Variants in ASAP1 observed in about 807,000 individuals in gnomAD.
ASAP1 encodes ArfGAP with SH3 domain, ankyrin repeat and PH domain 1.
A neutral mutation model predicts 145.2 loss-of-function variants in ASAP1; 43 were observed. That is an observed-to-expected ratio of 0.30 (90% CI 0.23 to 0.38). The LOEUF (loss-of-function observed/expected upper bound fraction) is 0.38. ASAP1 is among the 10% of genes least tolerant of loss of function. The pLI, the probability that ASAP1 is intolerant of heterozygous loss-of-function variation, is 1.00. For missense variants in ASAP1, 1,018 were observed against 1,355.3 expected (o/e 0.75, Z 3.91); for synonymous variants, 546 against 515.5 (o/e 1.06, Z -0.80).
intron 27 of ASAP1, among the ~76,000 whole-genome samples, chr8:130,062,347 G>A (rs371778904): frequency 4.4e-4 from 67 of 152,344 alleles, no homozygotes; most frequent in African/African-American, 1.5e-3. Context: ...GTCACAGGCT[G>A]TACTAGGGCT....
At chr8:130,130,631 T>TA (rs1300027513) in intron 15 of ASAP1, among the ~76,000 whole-genome samples, 1 of 152,126 alleles carries the variant, frequency 6.6e-6, no homozygotes, top group Non-Finnish European at 1.5e-5. Flanking sequence ...TTTTATAAGA[T>TA]AAAAAATAAC....
At chr8:130,292,184 C>G (rs1053403292) in intron 3 of ASAP1, among the ~76,000 whole-genome samples, 5 of 152,304 alleles carry the variant, frequency 3.3e-5, no homozygotes, top group African/African-American at 1.2e-4. Context: ...AAAACAAAGT[C>G]TGAATCATGC....
At chr8:130,199,893 C>A (rs1484051558) in intron 5 of ASAP1, among the ~76,000 whole-genome samples, 3 of 152,222 alleles carry the variant, frequency 2.0e-5, no homozygotes, top group Non-Finnish European at 4.4e-5. Flanking sequence ...AAAGTCCATT[C>A]ATAATTCTTA....
chr8:130,127,901 G>A, intron 16 of ASAP1, 26 bp downstream of exon 16: 1 of 1,609,438 alleles, frequency 6.2e-7, no homozygotes, highest in Non-Finnish European at 8.5e-7. Flanking sequence ...TGTTGTAAAA[G>A]CTCGTTCAAA....
At chr8:130,101,727 G>A (rs1427681549) in intron 24 of ASAP1, among the ~76,000 whole-genome samples, 1 of 55,964 alleles carries the variant, frequency 1.8e-5, no homozygotes, top group Non-Finnish European at 3.3e-5. Flanking sequence ...TACCACACCT[G>A]GTTAATTTTT....
rs529565699 is a variant in ASAP1, at chr8:130,171,532, G to T, written c.747-2465C>A. 1.7e-3 allele frequency among the ~76,000 whole-genome samples: 257 copies of T among 152,252 alleles called. 5 individuals are homozygous for T. Among genetic ancestry groups the T allele is most frequent in the Non-Finnish European group, 2.2e-3 (152 of 68,016 alleles). On this transcript the variant is annotated intron_variant, in intron 9 of 29. Coordinates refer to ENST00000518721, the MANE Select transcript of ASAP1 (RefSeq NM_018482.4). ...TCAAGAGAACAGCATGGGGGAAACT[G>T]CCCCCATGACTCAATTAACTCCACC...
At chr8:130,374,697 T>C (rs945626676) in intron 2 of ASAP1, among the ~76,000 whole-genome samples, 4 of 152,224 alleles carry the variant, frequency 2.6e-5, no homozygotes, top group African/African-American at 7.2e-5. Context: ...GATGTTAAAG[T>C]TGCGCTGAGC....
intron 3 of ASAP1, among the ~76,000 whole-genome samples, chr8:130,287,684 A>C (rs376646208): frequency 6.6e-6 from 1 of 152,216 alleles, no homozygotes; most frequent in East Asian, 1.9e-4. Context: ...GCCCTATCTC[A>C]CAAGTTTGGG....
At chr8:130,262,436 G>A (rs1469099407) in intron 3 of ASAP1, among the ~76,000 whole-genome samples, 69 of 138,252 alleles carry the variant, frequency 5.0e-4, no homozygotes, top group African/African-American at 1.4e-3. Flanking sequence ...GAGAGAGAGA[G>A]AGAGAGAGAG....
intron 3 of ASAP1, among the ~76,000 whole-genome samples, chr8:130,293,466 A>G (rs1822069173): frequency 6.6e-6 from 1 of 152,236 alleles, no homozygotes; most frequent in South Asian, 2.1e-4. Context: ...AAACTGCCTC[A>G]TGACATATTA....
intron 4 of ASAP1, among the ~76,000 whole-genome samples, chr8:130,227,321 C>T (rs1425913812): frequency 1.3e-5 from 2 of 152,092 alleles, no homozygotes; most frequent in South Asian, 2.1e-4. Context: ...GGCGCAATTA[C>T]AGCTCACTGC....
intron 13 of ASAP1, among the ~76,000 whole-genome samples, chr8:130,138,888 C>T (rs756976792): frequency 6.6e-6 from 1 of 151,554 alleles, no homozygotes; most frequent in Non-Finnish European, 1.5e-5. Context: ...TGCTAAAGGC[C>T]TCAGACTCCA....
rs369966700 is a variant in ASAP1 at position 130,144,691 on chromosome 8, T to C, written c.1081-7653A>G. Among the ~76,000 whole-genome samples the C allele has an allele frequency of 1.1e-4, 16 of 152,312 alleles. No individual in the cohort carries two copies. The East Asian group carries it at 2.7e-3, about 26-fold the overall frequency. Reference sequence around the variant, plus strand: ...CCACAACTAAAGCTCTCACATCCCCTGTGTGATCCTTCAGACAGGGAAAAA... The same window carrying C: ...CCACAACTAAAGCTCTCACATCCCCCGTGTGATCCTTCAGACAGGGAAAAA... On this transcript the variant is annotated intron_variant, in intron 13 of 29. Transcript: ENST00000518721.
intron 26 of ASAP1, 51 bp from the exon 27 acceptor site, chr8:130,076,457 T>C (rs773059361): frequency 8.3e-7 from 1 of 1,202,130 alleles, no homozygotes; most frequent in African/African-American, 1.5e-5. Context: ...AGAATATCAA[T>C]AGCAAAATAT....
At chr8:130,150,166 T>C (rs954827327) in intron 13 of ASAP1, among the ~76,000 whole-genome samples, 3 of 152,234 alleles carry the variant, frequency 2.0e-5, no homozygotes, top group Admixed American at 6.5e-5. Flanking sequence ...AATGGCAAAG[T>C]TGGCATTCAG....
At chr8:130,365,320 A>G (rs1826900652) in intron 2 of ASAP1, among the ~76,000 whole-genome samples, 1 of 152,250 alleles carries the variant, frequency 6.6e-6, no homozygotes, top group Non-Finnish European at 1.5e-5. Flanking sequence ...CTAGGAAAGC[A>G]CTGCCTAGTT....
intron 3 of ASAP1, among the ~76,000 whole-genome samples, chr8:130,339,562 G>C (rs117894128): frequency 0.026 from 4,016 of 152,126 alleles, 63 homozygotes; most frequent in Middle Eastern, 0.044. Flanking sequence ...CTATCTGCTT[G>C]GTTTGTAGAT....
At chr8:130,083,310 C>G (rs2097485601) in intron 25 of ASAP1, 1 of 152,346 alleles carries the variant, frequency 6.6e-6, no homozygotes, top group African/African-American at 2.4e-5. Flanking sequence ...CTTTTCCCTG[C>G]AAGGAAGGCC....
At chr8:130,206,667 C>G (rs1816245173) in intron 5 of ASAP1, among the ~76,000 whole-genome samples, 3 of 152,186 alleles carry the variant, frequency 2.0e-5, no homozygotes, top group Admixed American at 2.0e-4. Flanking sequence ...ATGGTGAGTC[C>G]TGGCTGACCT....
Sources: gnomAD v4.1 joint callset for allele counts (sites outside exome capture counted in the v4.1 genomes callset) on GRCh38, gnomAD v4.1.1 for gene constraint, MANE v1.5 for transcripts, NCBI Gene and HGNC (gene_info 2026-07-23, HGNC 2026-07-21) for gene names.